HYOU1: variants seen among roughly 807,000 people sequenced by gnomAD.
The protein encoded by HYOU1 is hypoxia up-regulated 1.
Under a neutral mutation model 120.5 loss-of-function variants are expected in HYOU1, and 40 were observed. That is an observed-to-expected ratio of 0.33 (90% CI 0.26 to 0.43). HYOU1 has a LOEUF of 0.43. HYOU1 is among the 20% of genes least tolerant of loss of function. The pLI is 1.00. For missense variants in HYOU1, 1,085 were observed against 1,278.3 expected, an observed-to-expected ratio of 0.85 and a Z score of 2.31; for synonymous variants, 501 against 479.4, an observed-to-expected ratio of 1.05 and a Z score of -0.59.
intron 15 of HYOU1, 21 bp downstream of exon 15, chr11:119,049,756 A>C: frequency 2.5e-6 from 4 of 1,612,958 alleles, no homozygotes; most frequent in Non-Finnish European, 3.4e-6. Flanking sequence ...TCTCCCATAC[A>C]CACATGCATG....
Position 119,048,969 on chromosome 11 carries a change from G to A in HYOU1, c.1992+49C>T, listed in dbSNP as rs1944249831. ...AAGGCCAGAAACAAGGCAGGCGCCT[G>A]CTCCCTTAGCCTCTGGATCCACACT... is the stretch of plus-strand genomic sequence containing the variant. On this transcript the variant is annotated intron_variant, in intron 17 of 25. Transcript: ENST00000617285. The surrounding 1 kb of genome is among the most constrained non-coding windows in gnomAD (Gnocchi z 4.7). 1.9e-6 allele frequency: 3 copies of A among 1,611,222 alleles called. No homozygotes were observed. Among genetic ancestry groups the A allele is most frequent in the South Asian group, 1.1e-5 (1 of 90,968 alleles).
At chr11:119,046,960 G>T (rs1002919388) in intron 22 of HYOU1, among the ~76,000 whole-genome samples, 158 bp from the exon 23 acceptor site, 12 of 152,238 alleles carry the variant, frequency 7.9e-5, no homozygotes, top group Admixed American at 2.0e-4. Context: ...TCCTCAGAAG[G>T]GTATTAAAGG....
intron 1 of HYOU1, 33 bp from the exon 2 acceptor site, chr11:119,056,200 C>T (rs782014878): frequency 1.4e-6 from 2 of 1,461,960 alleles, no homozygotes; most frequent in Non-Finnish European, 1.9e-6. Flanking sequence ...ACACTTAAAA[C>T]TGGATACCCG....
rs2133560658 is a variant in HYOU1 at position 119,048,051 on chromosome 11, C to T, written c.2406G>A (p.Arg802=). Residue 802 remains arginine (R), a synonymous_variant, in exon 21 of 26, where the codon AGG becomes AGA. Transcript: ENST00000617285. The surrounding 1 kb of genome is among the most constrained non-coding windows in gnomAD (Gnocchi z 4.7). The part of the protein sequence containing the change: ...VMLKEKLAEL[R]KLCQGLFFRV... ...GAAAAAACAGCCCTTGGCACAGCTT[C>T]CTCAGCTCAGCCAGCTTCTCCTTCA... 1 of 1,614,106 alleles carries T rather than the reference C, an allele frequency of 6.2e-7. No individual in the cohort carries two copies. The highest frequency in any genetic ancestry group is 1.3e-5 in the African/African-American group (1 of 74,938).
In HYOU1 at chr11:119,045,224, A is replaced by C; in HGVS notation, c.*369T>G. ...GGAACAATCACCAGAGAAGAGTGGA[A>C]ACTCCCCAGCAACCTGATACCCTTC... is the stretch of plus-strand genomic sequence containing the variant. On this transcript the variant is annotated 3_prime_UTR_variant, in exon 26 of 26. Coordinates refer to ENST00000617285, the MANE Select transcript of HYOU1 (RefSeq NM_006389.5). The C allele has an allele frequency of 2.1e-6, 1 of 473,354 alleles. No homozygotes were observed. The allele number at this position is 473,354 out of a possible 1,614,324, so 29.3% of individuals were successfully genotyped here. A position where few individuals can be genotyped will look rare whatever the true frequency, so the allele number is the denominator to read the frequency against.
In HYOU1 at chr11:119,056,081, A is replaced by G; in HGVS notation, c.80T>C (p.Leu27Ser). The change falls in exon 2 of 26, where the codon TTG (leucine) becomes TCG (serine). Residue 27 changes from leucine (L) to serine (S), a missense_variant. By Grantham distance (145) the Leu-to-Ser change is moderately radical. Transcript: ENST00000617285. The part of the protein sequence containing the change: ...ALVAVLLADL[L>S]ALSDTLAVMS... Reference sequence around the variant, plus strand: ...ACTGGGGTACATACCACTCAGTGCCAACAGGTCTGCCAAGAGCACAGCCAC... The same window carrying G: ...ACTGGGGTACATACCACTCAGTGCCGACAGGTCTGCCAAGAGCACAGCCAC... 1 of 1,614,034 alleles carries G rather than the reference A, an allele frequency of 6.2e-7. No individual in the cohort carries two copies. The highest frequency in any genetic ancestry group is 8.5e-7 in the Non-Finnish European group (1 of 1,179,938).
In HYOU1 at chr11:119,051,297, T is replaced by G; in HGVS notation, c.1527-124A>C. On this transcript the variant is annotated intron_variant, in intron 13 of 25. Coordinates refer to ENST00000617285, the MANE Select transcript of HYOU1 (RefSeq NM_006389.5). This position sits in a 1 kb window ranked among gnomAD's most constrained non-coding sequence, Gnocchi z 4.2. ...CCAAGGGCACACTCAAGAGGACGGA[T>G]GCATTCTCCAGCGAAGCTGATCATA... The G allele has an allele frequency of 6.7e-7, 1 of 1,498,798 alleles. No homozygotes were observed. The highest frequency in any genetic ancestry group is 1.8e-5 in the Admixed American group (1 of 55,658). 92.8% of individuals were successfully genotyped at this position (1,498,798 alleles called of 1,614,324 possible).
rs1315874184 is a variant in HYOU1 at position 119,046,737 on chromosome 11, G to A, written c.2661C>T (p.Leu887=). ...KLPATEKPVL[L]SKDIEAKMMA... is the part of the protein sequence containing the mutation. ...TCATCTTAGCTTCAATGTCTTTTGA[G>A]AGCAACACAGGCTTCTCTGTGGCGG... Residue 887 remains leucine, a synonymous_variant, in exon 23 of 26, where the codon CTC becomes CTT. Transcript: ENST00000617285. The A allele has an allele frequency of 6.2e-7, 1 of 1,608,692 alleles. No homozygotes were observed. Among genetic ancestry groups the A allele is most frequent in the Admixed American group, 1.7e-5 (1 of 60,024 alleles).
Position 119,048,180 on chromosome 11 carries a change from C to A in HYOU1, c.2376+68G>T. The A allele has an allele frequency of 1.9e-6, 3 of 1,608,124 alleles. No individual in the cohort carries two copies. The highest frequency in any genetic ancestry group is 2.5e-6 in the Non-Finnish European group (3 of 1,177,726). On this transcript the variant is annotated intron_variant, in intron 20 of 25. Coordinates refer to ENST00000617285, the MANE Select transcript of HYOU1 (RefSeq NM_006389.5). This position sits in a 1 kb window ranked among gnomAD's most constrained non-coding sequence, Gnocchi z 4.7. ...TATGGGCTCAAGCCCCAGCTCTTCT[C>A]TCTCTCTGACCCTGGGAGAGGAAGG...
rs116827202 is a variant in HYOU1 at position 119,051,309 on chromosome 11, C to A, written c.1526+129G>T. On this transcript the variant is annotated intron_variant, in intron 13 of 25. Transcript: ENST00000617285. This position sits in a 1 kb window ranked among gnomAD's most constrained non-coding sequence, Gnocchi z 4.2. ...TCAAGAGGACGGATGCATTCTCCAG[C>A]GAAGCTGATCATAGCTGCCCTGTTT... 3 of 1,483,670 alleles carry A rather than the reference C, an allele frequency of 2.0e-6. No homozygotes were observed. Among genetic ancestry groups the A allele is most frequent in the Admixed American group, 1.8e-5 (1 of 55,278 alleles). The allele number at this position is 1,483,670 out of a possible 1,614,324, so 91.9% of individuals were successfully genotyped here.
Position 119,049,124 on chromosome 11 carries a change from G to C in HYOU1, c.1886C>G (p.Pro629Arg). ...QVELKEEAEA[P>R]VEDGSQPPPP... ...TGGGGGCTGAGAGCCATCCTCCACT[G>C]GGGCCTCAGCTTCCTCCTTGAGCTC... is the stretch of plus-strand genomic sequence containing the variant. The change falls in exon 17 of 26, where the codon CCA (proline) becomes CGA (arginine). Residue 629 changes from proline (P) to arginine (R), a missense_variant. Around this residue, in one of 4 missense-constraint regions of HYOU1, gnomAD observed 516 missense variants for 517.1 expected, o/e 1.00. Coordinates refer to ENST00000617285, the MANE Select transcript of HYOU1 (RefSeq NM_006389.5). The C allele has an allele frequency of 6.2e-7, 1 of 1,613,896 alleles. No homozygotes were observed. Among genetic ancestry groups the C allele is most frequent in the Non-Finnish European group, 8.5e-7 (1 of 1,179,904 alleles).
At position 119,048,977 on chromosome 11, in the gene HYOU1, A is replaced by G. The variant is rs782347384; in HGVS notation, c.1992+41T>C. 7 of 1,612,552 alleles carry G rather than the reference A, an allele frequency of 4.3e-6. No homozygotes were observed. Among genetic ancestry groups the G allele is most frequent in the Non-Finnish European group, 5.9e-6 (7 of 1,178,904 alleles). Reference sequence around the variant, plus strand: ...AAACAAGGCAGGCGCCTGCTCCCTTAGCCTCTGGATCCACACTGGCCTTCC... The same window carrying G: ...AAACAAGGCAGGCGCCTGCTCCCTTGGCCTCTGGATCCACACTGGCCTTCC... On this transcript the variant is annotated intron_variant, in intron 17 of 25. Coordinates refer to ENST00000617285, the MANE Select transcript of HYOU1 (RefSeq NM_006389.5). This position sits in a 1 kb window ranked among gnomAD's most constrained non-coding sequence, Gnocchi z 4.7.
rs2133587689 is a variant in HYOU1 at position 119,051,772 on chromosome 11, G to C, written c.1338+47C>G. On this transcript the variant is annotated intron_variant, in intron 12 of 25. Coordinates refer to ENST00000617285, the MANE Select transcript of HYOU1 (RefSeq NM_006389.5). This position sits in a 1 kb window ranked among gnomAD's most constrained non-coding sequence, Gnocchi z 4.2. ...GCAGACAGAAGGGGAAACCCTACTT[G>C]GGAGAGGTAAAGGGAGCTTGTCACC... 6.2e-7 allele frequency: 1 copy of C among 1,609,674 alleles called. No individual in the cohort carries two copies. Among genetic ancestry groups the C allele is most frequent in the South Asian group, 1.1e-5 (1 of 90,996 alleles).
At chr11:119,046,842 A>G (rs2133553901) in intron 22 of HYOU1, 40 bp from the exon 23 acceptor site, 1 of 1,591,708 alleles carries the variant, frequency 6.3e-7, no homozygotes, top group African/African-American at 1.3e-5. Context: ...CTAGCCATGG[A>G]GAGAGCAGAC....
In HYOU1 at chr11:119,048,163, C is replaced by A. The variant is rs113775878; in HGVS notation, c.2377-83G>T. The A allele has an allele frequency of 6.2e-7, 1 of 1,609,918 alleles. No homozygotes were observed. Among genetic ancestry groups the A allele is most frequent in the African/African-American group, 1.3e-5 (1 of 74,768 alleles). On this transcript the variant is annotated intron_variant, in intron 20 of 25. Transcript: ENST00000617285. The surrounding 1 kb of genome is among the most constrained non-coding windows in gnomAD (Gnocchi z 4.7). ...AGCCCCATGTCCTTCTTTATGGGCT[C>A]AAGCCCCAGCTCTTCTCTCTCTCTG...
intron 1 of HYOU1, among the ~76,000 whole-genome samples, chr11:119,056,641 G>T (rs984887899): frequency 6.6e-6 from 1 of 152,234 alleles, no homozygotes; most frequent in Non-Finnish European, 1.5e-5. Context: ...TAGCTAGGAT[G>T]AAGGAAAGGC....
chr11:119,050,904 A>T, intron 14 of HYOU1, 131 bp downstream of exon 14: 2 of 1,029,316 alleles, frequency 1.9e-6, no homozygotes, highest in African/African-American at 1.6e-5. Flanking sequence ...AGCTCTGTTC[A>T]GAGCCAACAT....
In HYOU1 at chr11:119,051,515, G is replaced by A; in HGVS notation, c.1449C>T (p.Thr483=). The A allele has an allele frequency of 6.2e-7, 1 of 1,614,166 alleles. No individual in the cohort carries two copies. The highest frequency in any genetic ancestry group is 2.2e-5 in the East Asian group (1 of 44,886). The change falls in exon 13 of 26, where the codon ACC becomes ACT. Residue 483 remains threonine (T), a synonymous_variant. Transcript: ENST00000617285. This position sits in a 1 kb window ranked among gnomAD's most constrained non-coding sequence, Gnocchi z 4.2. ...MGPYPQRKVI[T]FNRYSHDFNF... is the part of the protein sequence containing the mutation. ...TGAAATCATGGCTGTAGCGGTTAAA[G>A]GTGATGACTTTGCGTTGAGGGTAGG...
In HYOU1 at chr11:119,052,967, C is replaced by A. The variant is rs1944535880; in HGVS notation, c.795-138G>T. 1 of 752,088 alleles carries A rather than the reference C, an allele frequency of 1.3e-6. No individual in the cohort carries two copies. Among genetic ancestry groups the A allele is most frequent in the Non-Finnish European group, 2.1e-6 (1 of 473,172 alleles). The allele number at this position is 752,088 out of a possible 1,614,324, so 46.6% of individuals were successfully genotyped here. A position where few individuals can be genotyped will look rare whatever the true frequency, so the allele number is the denominator to read the frequency against. On this transcript the variant is annotated intron_variant, in intron 8 of 25. Coordinates refer to ENST00000617285, the MANE Select transcript of HYOU1 (RefSeq NM_006389.5). The surrounding 1 kb of genome is among the most constrained non-coding windows in gnomAD (Gnocchi z 5.0). The stretch of plus-strand genomic sequence containing the variant: ...TCATCTCCAGTGCCCCATGTGTGGA[C>A]ACACACTCTGCCCTCAACTCTCTAC...
Sources: gnomAD v4.1 joint callset for allele counts (sites outside exome capture counted in the v4.1 genomes callset) on GRCh38, gnomAD v4.1.1 for gene constraint, gnomAD v4.1.1 regional missense constraint, Gnocchi (gnomAD v3.1) non-coding constraint, MANE v1.5 for transcripts, NCBI Gene and HGNC (gene_info 2026-07-23, HGNC 2026-07-21) for gene names.